The following POC1B variants were observed in gnomAD, a reference collection of about 807,000 sequenced individuals.
POC1B encodes the protein POC1 centriolar protein homolog B.
In POC1B, 44 loss-of-function variants were observed where a neutral mutation model predicts 60.6. The observed-to-expected ratio is 0.73, with a 90% CI of 0.57 to 0.93. The LOEUF (loss-of-function observed/expected upper bound fraction) is 0.93, where lower values mean the gene tolerates loss of function less well. Ranked by LOEUF, POC1B falls within the 40% of genes least tolerant of loss-of-function variation. The probability of loss-of-function intolerance (pLI) is 0.00; values close to 1 mark genes in which losing one functional copy is unlikely to be tolerated. For missense variants in POC1B, 555 were observed against 572.3 expected, an observed-to-expected ratio of 0.97 and a Z score of 0.31; for synonymous variants, 180 against 198.9, an observed-to-expected ratio of 0.90 and a Z score of 0.80.
intron 10 of POC1B, among the ~76,000 whole-genome samples, chr12:89,430,227 G>C (rs1357983405): frequency 6.6e-6 from 1 of 152,150 alleles, no homozygotes; most frequent in Non-Finnish European, 1.5e-5. Flanking sequence ...AGATCTGACT[G>C]ATGCAAAGAA....
At chr12:89,441,009 G>A (rs1881489102) in intron 10 of POC1B, among the ~76,000 whole-genome samples, 2 of 152,222 alleles carry the variant, frequency 1.3e-5, no homozygotes, top group Admixed American at 1.3e-4. Flanking sequence ...ATGGAGCCTT[G>A]CTCTCTGCTA....
At chr12:89,488,583 T>C (rs970401784) in intron 4 of POC1B, among the ~76,000 whole-genome samples, 2 of 152,068 alleles carry the variant, frequency 1.3e-5, no homozygotes, top group African/African-American at 4.8e-5. Flanking sequence ...TGCTCCCAAG[T>C]TCAAGTGATT....
chr12:89,498,415 T>C (rs988727207), intron 2 of POC1B, among the ~76,000 whole-genome samples: 2 of 152,136 alleles, frequency 1.3e-5, no homozygotes, highest in African/African-American at 2.4e-5. Flanking sequence ...TAATAGGAAG[T>C]AGGTCAATGA....
intron 10 of POC1B, among the ~76,000 whole-genome samples, chr12:89,457,715 T>G (rs1882315241): frequency 6.6e-6 from 1 of 152,258 alleles, no homozygotes; most frequent in African/African-American, 2.4e-5. Flanking sequence ...AGACTGTTTT[T>G]GCCTACAAAA....
chr12:89,506,468 A>T (rs1460321796), intron 2 of POC1B, among the ~76,000 whole-genome samples: 1 of 152,200 alleles, frequency 6.6e-6, no homozygotes, highest in Non-Finnish European at 1.5e-5. Flanking sequence ...ACAGATAAAG[A>T]AGAGGTTGAG....
chr12:89,454,145 TTC>T (rs1882163486), intron 10 of POC1B, among the ~76,000 whole-genome samples: 1 of 152,204 alleles, frequency 6.6e-6, no homozygotes, highest in Non-Finnish European at 1.5e-5. Flanking sequence ...ACGATTCTTT[TTC>T]TCTCATCAGC....
At position 89,497,183 on chromosome 12, in the gene POC1B, CAG is replaced by C; in HGVS notation, c.258_259del (p.Trp87AspfsTer3). The C allele has an allele frequency of 6.2e-7, 1 of 1,612,496 alleles. No homozygotes were observed. The highest frequency in any genetic ancestry group is 8.5e-7 in the Non-Finnish European group (1 of 1,179,390). The stretch of plus-strand genomic sequence containing the variant: ...TTGTTTCTCTTACTTATCAGGAATC[CAG>C]AGTCTCACGGTTCTGTCTCGTGAGG... On this transcript the variant is annotated frameshift_variant, in exon 3 of 12. Transcript: ENST00000313546. LOFTEE classifies it high-confidence loss of function.
intron 10 of POC1B, among the ~76,000 whole-genome samples, chr12:89,436,760 C>G (rs147286756): frequency 6.6e-6 from 1 of 151,784 alleles, no homozygotes; most frequent in Admixed American, 6.6e-5. Context: ...AAAAAACAAG[C>G]ATTCTTTTAA....
chr12:89,516,470 A>G (rs1310555666), intron 2 of POC1B, among the ~76,000 whole-genome samples: 1 of 152,152 alleles, frequency 6.6e-6, no homozygotes, highest in East Asian at 1.9e-4. Flanking sequence ...ATCTGCTGGT[A>G]TTACTATAAT....
chr12:89,440,994 C>T (rs1022528656), intron 10 of POC1B, among the ~76,000 whole-genome samples: 21 of 152,362 alleles, frequency 1.4e-4, no homozygotes, highest in Admixed American at 2.0e-4. Flanking sequence ...GAGGGTCCCA[C>T]GCCCATGGAG....
At chr12:89,453,499 ACAAATGTCTGTTT>A (rs1882136257) in intron 10 of POC1B, among the ~76,000 whole-genome samples, 1 of 152,194 alleles carries the variant, frequency 6.6e-6, no homozygotes, top group Non-Finnish European at 1.5e-5. Context: ...AAGATACCAT[ACAAATGTCTGTTT>A]CCTAATGCTT....
At chr12:89,480,595 ATTTTTTTTTTTTT>A (rs765505677) in intron 4 of POC1B, among the ~76,000 whole-genome samples, 2 of 69,908 alleles carry the variant, frequency 2.9e-5, no homozygotes, top group Non-Finnish European at 5.1e-5. Flanking sequence ...TAATTTTTGT[ATTTTTTTTTTTTT>A]TTTTTTTTTT....
intron 2 of POC1B, chr12:89,524,896 A>C: frequency 1.4e-6 from 1 of 716,760 alleles, no homozygotes; most frequent in Non-Finnish European, 2.2e-6. Flanking sequence ...CGCCAGGCCC[A>C]GACCGCTGGA....
intron 2 of POC1B, chr12:89,523,204 C>T (rs376886740): frequency 5.6e-6 from 9 of 1,613,744 alleles, no homozygotes; most frequent in African/African-American, 4.0e-5. Flanking sequence ...CCCTCTACTG[C>T]GAATAGCCCC....
intron 10 of POC1B, among the ~76,000 whole-genome samples, chr12:89,457,540 C>T (rs1322077829): frequency 1.3e-5 from 2 of 152,184 alleles, no homozygotes; most frequent in African/African-American, 4.8e-5. Flanking sequence ...TTACAATCTA[C>T]CTAGATGGGA....
chr12:89,506,404 C>G (rs1869898280), intron 2 of POC1B, among the ~76,000 whole-genome samples: 1 of 152,078 alleles, frequency 6.6e-6, no homozygotes, highest in African/African-American at 2.4e-5. Context: ...TTAGTAGTAA[C>G]TTAGAGAAAG....
the POC1B span, among the ~76,000 whole-genome samples, chr12:89,410,436 T>C: frequency 6.6e-5 from 10 of 152,042 alleles, no homozygotes; most frequent in African/African-American, 1.9e-4. Flanking sequence ...TCCCAGCACT[T>C]TGGGAGGCCA....
At chr12:89,446,664 T>G (rs1231932415) in intron 10 of POC1B, among the ~76,000 whole-genome samples, 1 of 151,592 alleles carries the variant, frequency 6.6e-6, no homozygotes, top group Non-Finnish European at 1.5e-5. Flanking sequence ...GACGAGTTAA[T>G]GGGTGCAGCA....
chr12:89,419,271 G>A (rs191919225), downstream of POC1B, among the ~76,000 whole-genome samples: 1 of 151,938 alleles, frequency 6.6e-6, no homozygotes, highest in African/African-American at 2.4e-5. Context: ...AGTTAGGAAA[G>A]GGATGGGCTG....
Sources: gnomAD v4.1 joint callset for allele counts (sites outside exome capture counted in the v4.1 genomes callset) on GRCh38, gnomAD v4.1.1 for gene constraint, MANE v1.5 for transcripts, NCBI Gene and HGNC (gene_info 2026-07-23, HGNC 2026-07-21) for gene names.